The following KPNA3 variants were observed in gnomAD, a reference collection of about 807,000 sequenced individuals.
The protein encoded by KPNA3 is importin subunit alpha-4.
KPNA3 carries 13 observed loss-of-function variants against 73.8 expected under a neutral mutation model. The ratio of observed to expected loss-of-function variants is 0.18; its 90% confidence interval spans 0.11 to 0.28. KPNA3 has a LOEUF of 0.28. Ranked by LOEUF, KPNA3 falls within the 10% of genes least tolerant of loss-of-function variation. The pLI, the probability that KPNA3 is intolerant of heterozygous loss-of-function variation, is 1.00. For missense variants in KPNA3, 360 were observed against 618.1 expected, an observed-to-expected ratio of 0.58 and a Z score of 4.43; for synonymous variants, 186 against 206.9, an observed-to-expected ratio of 0.90 and a Z score of 0.87.
rs1954138174 is a variant in KPNA3, at chr13:49,700,575, G to A, written c.*1225C>T. 6.6e-6 allele frequency: 1 copy of A among 152,596 alleles called. No homozygotes were observed. The highest frequency in any genetic ancestry group is 1.5e-5 in the Non-Finnish European group (1 of 68,036). 9.5% of individuals were successfully genotyped at this position (152,596 alleles called of 1,614,324 possible). A position where few individuals can be genotyped will look rare whatever the true frequency, so the allele number is the denominator to read the frequency against. ...TAACTGCAAATTACTCCTCTACACA[G>A]ATCCCTGTCTGAATCTTTTAATATG... On this transcript the variant is annotated 3_prime_UTR_variant, in exon 17 of 17. Coordinates refer to ENST00000261667, the MANE Select transcript of KPNA3 (RefSeq NM_002267.4).
At chr13:49,787,696 T>G (rs1229346657) in intron 1 of KPNA3, among the ~76,000 whole-genome samples, 2 of 150,792 alleles carry the variant, frequency 1.3e-5, no homozygotes, top group African/African-American at 4.9e-5. Context: ...TTTTTTTTTT[T>G]TGAGACGGAG....
chr13:49,755,768 C>T (rs368989655), intron 1 of KPNA3, among the ~76,000 whole-genome samples: 63 of 151,650 alleles, frequency 4.2e-4, no homozygotes, highest in African/African-American at 1.4e-3. Context: ...TCCAGCCTGG[C>T]GACAGAGGGA....
intron 10 of KPNA3, among the ~76,000 whole-genome samples, chr13:49,713,360 A>ATAC (rs558386926): frequency 1.9e-3 from 290 of 150,980 alleles, no homozygotes; most frequent in Middle Eastern, 3.5e-3. Flanking sequence ...AGGTTTTAAC[A>ATAC]TACTACTGTC....
At chr13:49,780,780 G>A (rs959665612) in intron 1 of KPNA3, among the ~76,000 whole-genome samples, 2 of 148,272 alleles carry the variant, frequency 1.3e-5, no homozygotes, top group Non-Finnish European at 3.0e-5. Context: ...GAGTGCAGTG[G>A]TGCAATCTCG....
At chr13:49,787,605 C>A (rs1954994156) in intron 1 of KPNA3, among the ~76,000 whole-genome samples, 1 of 152,074 alleles carries the variant, frequency 6.6e-6, no homozygotes, top group Non-Finnish European at 1.5e-5. Context: ...CTCCCCGGTT[C>A]AAGTGATTCT....
intron 1 of KPNA3, among the ~76,000 whole-genome samples, chr13:49,772,019 G>T (rs1430369640): frequency 6.6e-6 from 1 of 152,150 alleles, no homozygotes; most frequent in Non-Finnish European, 1.5e-5. Flanking sequence ...TTTGTATACT[G>T]ATCTTGTATC....
intron 15 of KPNA3, among the ~76,000 whole-genome samples, chr13:49,703,981 G>T (rs1408353267): frequency 1.3e-5 from 2 of 150,728 alleles, no homozygotes; most frequent in Non-Finnish European, 2.9e-5. Flanking sequence ...TCTCTAAGTT[G>T]CTCAAACTTA....
At chr13:49,769,136 T>C (rs984143424) in intron 1 of KPNA3, among the ~76,000 whole-genome samples, 1 of 151,098 alleles carries the variant, frequency 6.6e-6, no homozygotes, top group Non-Finnish European at 1.5e-5. Flanking sequence ...CATTGTTATC[T>C]ATAGGAAGGT....
chr13:49,714,987 A>T (rs1427307840), intron 10 of KPNA3, among the ~76,000 whole-genome samples: 3 of 152,028 alleles, frequency 2.0e-5, no homozygotes. Context: ...TTCAATTTTT[A>T]AAAATATCAT....
intron 1 of KPNA3, among the ~76,000 whole-genome samples, chr13:49,788,067 G>A (rs1041369995): frequency 2.6e-4 from 39 of 152,198 alleles, no homozygotes; most frequent in African/African-American, 8.4e-4. Flanking sequence ...CTTAAGGGTT[G>A]TAGGCCTCAA....
intron 1 of KPNA3, among the ~76,000 whole-genome samples, chr13:49,788,740 A>ATTTTT (rs1955006627): frequency 1.0e-4 from 3 of 29,676 alleles, no homozygotes; most frequent in African/African-American, 2.9e-4. Context: ...TTTTTTTTTA[A>ATTTTT]AAAAAAAAAG....
chr13:49,709,790 CA>C, intron 11 of KPNA3, 90 bp from the exon 12 acceptor site: 3 of 1,234,022 alleles, frequency 2.4e-6, no homozygotes, highest in Non-Finnish European at 3.4e-6. Context: ...AGTAAAAATG[CA>C]AGGCATAAAT....
chr13:49,765,035 T>C (rs1954798069), intron 1 of KPNA3, among the ~76,000 whole-genome samples: 1 of 152,062 alleles, frequency 6.6e-6, no homozygotes, highest in Non-Finnish European at 1.5e-5. Flanking sequence ...TCCTCCTCTT[T>C]GGTCTTCCTC....
intron 2 of KPNA3, among the ~76,000 whole-genome samples, chr13:49,736,016 T>C (rs1453334183): frequency 6.6e-6 from 1 of 152,232 alleles, no homozygotes; most frequent in African/African-American, 2.4e-5. Context: ...CTTTTAAATC[T>C]TATGAAAAGG....
At chr13:49,728,714 G>A (rs1284554055) in intron 6 of KPNA3, among the ~76,000 whole-genome samples, 1 of 152,190 alleles carries the variant, frequency 6.6e-6, no homozygotes, top group East Asian at 1.9e-4. Context: ...GAGGGCCAAA[G>A]AATGATAACA....
chr13:49,782,853 C>A (rs1281148250), intron 1 of KPNA3, among the ~76,000 whole-genome samples: 2 of 151,516 alleles, frequency 1.3e-5, no homozygotes, highest in Non-Finnish European at 2.9e-5. Context: ...CAGAGCAAGA[C>A]CCTGTCTCAA....
chr13:49,715,126 C>T lies in KPNA3; in HGVS notation c.772-4104G>A, dbSNP rs989754521. Among the ~76,000 whole-genome samples, 4 of 151,692 alleles carry T rather than the reference C, an allele frequency of 2.6e-5. No homozygotes were observed. The South Asian group carries it at 8.3e-4, about 32-fold the overall frequency. ...AAAAAAGGAATGTATAGATATTTCT[C>T]TAACATAAAACATCTATAGTTCAGA... On this transcript the variant is annotated intron_variant, in intron 10 of 16. Transcript: ENST00000261667.
chr13:49,771,870 G>A (rs1439326980), intron 1 of KPNA3, among the ~76,000 whole-genome samples: 1 of 152,048 alleles, frequency 6.6e-6, no homozygotes, highest in Non-Finnish European at 1.5e-5. Context: ...TGCCCAGGCT[G>A]GTCTTGAATT....
At chr13:49,764,460 G>A (rs958007114) in intron 1 of KPNA3, among the ~76,000 whole-genome samples, 6 of 151,918 alleles carry the variant, frequency 3.9e-5, no homozygotes, top group African/African-American at 1.5e-4. Flanking sequence ...CTTCCAAATC[G>A]TCCTTCCTCT....
Sources: allele counts gnomAD v4.1 joint callset (sites outside exome capture counted in the v4.1 genomes callset), GRCh38; gene constraint gnomAD v4.1.1; transcripts MANE v1.5; gene names NCBI Gene and HGNC (gene_info 2026-07-23, HGNC 2026-07-21).